LHPP: variants seen among roughly 807,000 people sequenced by gnomAD.
LHPP encodes the protein hLHPP.
Under a neutral mutation model 30.3 loss-of-function variants are expected in LHPP, and 24 were observed. That is an observed-to-expected ratio of 0.79 (90% CI 0.57 to 1.11). The LOEUF is 1.11. Among genes scored for constraint, LHPP ranks in the 50% most tolerant of loss-of-function variants. LHPP has a pLI of 0.00. For missense variants in LHPP, 356 were observed against 367.2 expected (o/e 0.97, Z 0.25); for synonymous variants, 150 against 157.1 (o/e 0.95, Z 0.34).
intron 6 of LHPP, among the ~76,000 whole-genome samples, chr10:124,543,603 C>T (rs115919100): frequency 0.012 from 1,771 of 152,284 alleles, 41 homozygotes; most frequent in African/African-American, 0.04. Flanking sequence ...CCCATGGTGG[C>T]GGCGGCTGGG....
intron 6 of LHPP, among the ~76,000 whole-genome samples, chr10:124,540,741 T>C (rs1955163441): frequency 6.6e-6 from 1 of 151,914 alleles, no homozygotes; most frequent in Non-Finnish European, 1.5e-5. Flanking sequence ...CAGCCGGCCC[T>C]ACAGAGGCCC....
chr10:124,539,508 C>A (rs1464440128), intron 6 of LHPP, among the ~76,000 whole-genome samples: 1 of 152,140 alleles, frequency 6.6e-6, no homozygotes, highest in East Asian at 1.9e-4. Flanking sequence ...TGCTTGTAAT[C>A]CCAGCACTTT....
At chr10:124,585,491 T>A (rs1948792893) in intron 6 of LHPP, among the ~76,000 whole-genome samples, 1 of 151,732 alleles carries the variant, frequency 6.6e-6, no homozygotes, top group Admixed American at 6.6e-5. Context: ...GGCTGGCGCC[T>A]GTAGTCCCAG....
chr10:124,526,331 C>A (rs1954735074), intron 6 of LHPP: 1 of 730,968 alleles, frequency 1.4e-6, no homozygotes, highest in Non-Finnish European at 1.7e-6. Context: ...CTACACCCTG[C>A]AACAGCCCAG....
At chr10:124,490,151 T>A in intron 3 of LHPP, 1 of 174,712 alleles carries the variant, frequency 5.7e-6, no homozygotes, top group South Asian at 1.2e-4. Flanking sequence ...TCCCTGTGAG[T>A]GTCTCTGTCT....
intron 6 of LHPP, among the ~76,000 whole-genome samples, chr10:124,595,142 G>T (rs935541707): frequency 1.3e-4 from 20 of 152,198 alleles, no homozygotes; most frequent in African/African-American, 4.6e-4. Flanking sequence ...GACAGCCTCT[G>T]GTCCCCTCTG....
rs1161122436 is a variant in LHPP, at chr10:124,592,257, C to T, written c.717-21007C>T. On this transcript the variant is annotated intron_variant, in intron 6 of 6. Coordinates refer to ENST00000368842, the MANE Select transcript of LHPP (RefSeq NM_022126.4). The surrounding 1 kb of genome is among the most constrained non-coding windows in gnomAD (Gnocchi z 6.2). ...CTCTCACCAGGAAGGCAAAACCTGG[C>T]AGATGGCACCCGGGCCTGATGGCTC... Among the ~76,000 whole-genome samples, 1 of 152,104 alleles carries T rather than the reference C, an allele frequency of 6.6e-6. No homozygotes were observed. Among genetic ancestry groups the T allele is most frequent in the Non-Finnish European group, 1.5e-5 (1 of 68,024 alleles).
chr10:124,553,453 T>TTC (rs1264964831), intron 6 of LHPP, among the ~76,000 whole-genome samples: 1 of 130,412 alleles, frequency 7.7e-6, no homozygotes, highest in Non-Finnish European at 1.7e-5. Context: ...GCCATTCTTT[T>TTC]TTTTTTTTTT....
chr10:124,484,258 C>T lies in LHPP; in HGVS notation c.245C>T (p.Ala82Val), dbSNP rs1332954077. 6 of 1,613,808 alleles carry T rather than the reference C, an allele frequency of 3.7e-6. No homozygotes were observed. Among genetic ancestry groups the T allele is most frequent in the Non-Finnish European group, 2.5e-6 (3 of 1,180,008 alleles). ...GFDISEQEVTAPAPAACQILK... is the reference protein window; with the variant it reads ...GFDISEQEVTVPAPAACQILK... Reference sequence around the variant, plus strand: ...GACATCTCTGAGCAGGAGGTGACCGCCCCGGCACCAGCTGCCTGCCAGATC... The same window carrying T: ...GACATCTCTGAGCAGGAGGTGACCGTCCCGGCACCAGCTGCCTGCCAGATC... The change falls in exon 2 of 7, where the codon GCC (alanine) becomes GTC (valine). Residue 82 changes from alanine (A) to valine (V), a missense_variant. Ala to Val is a moderately conservative substitution (Grantham distance 64, BLOSUM62 0). Coordinates refer to ENST00000368842, the MANE Select transcript of LHPP (RefSeq NM_022126.4).
intron 6 of LHPP, among the ~76,000 whole-genome samples, chr10:124,604,741 G>C (rs1949070364): frequency 1.3e-5 from 2 of 152,234 alleles, no homozygotes; most frequent in Admixed American, 1.3e-4. Flanking sequence ...CCAGTGCCCA[G>C]ATCCCTGAAT....
At chr10:124,602,373 T>C (rs903351459) in intron 6 of LHPP, among the ~76,000 whole-genome samples, 4 of 152,226 alleles carry the variant, frequency 2.6e-5, no homozygotes, top group African/African-American at 9.6e-5. Context: ...GTGGGCCCAT[T>C]GTGGTATCGC....
chr10:124,549,436 TC>T, intron 6 of LHPP, among the ~76,000 whole-genome samples: 2 of 146,900 alleles, frequency 1.4e-5, no homozygotes, highest in African/African-American at 2.5e-5. Flanking sequence ...AGACCCTGTC[TC>T]AAAAAAAAAA....
chr10:124,578,280 G>A (rs890347458), intron 6 of LHPP, among the ~76,000 whole-genome samples: 2 of 152,214 alleles, frequency 1.3e-5, no homozygotes, highest in Non-Finnish European at 2.9e-5. Context: ...CTGGCTCTGT[G>A]CTCAGCACAC....
intron 5 of LHPP, among the ~76,000 whole-genome samples, chr10:124,508,361 A>C (rs1954214940): frequency 6.6e-6 from 1 of 152,204 alleles, no homozygotes; most frequent in Non-Finnish European, 1.5e-5. Context: ...CAGCACTGAA[A>C]GAATGGGCCC....
chr10:124,526,252 G>C, intron 6 of LHPP: 3 of 985,294 alleles, frequency 3.0e-6, no homozygotes, highest in Non-Finnish European at 2.4e-6. Context: ...GAGCTGGAAG[G>C]GGGATAACGC....
chr10:124,597,837 T>C (rs141367329), intron 6 of LHPP, among the ~76,000 whole-genome samples: 1 of 152,342 alleles, frequency 6.6e-6, no homozygotes, highest in Non-Finnish European at 1.5e-5. Context: ...CAGCTCTTTT[T>C]AATCTAAACA....
Position 124,596,457 on chromosome 10 carries a change from A to G in LHPP, c.717-16807A>G, listed in dbSNP as rs1056369547. Among the ~76,000 whole-genome samples, 2 of 152,040 alleles carry G rather than the reference A, an allele frequency of 1.3e-5. No individual in the cohort carries two copies. Among genetic ancestry groups the G allele is most frequent in the African/African-American group, 2.4e-5 (1 of 41,396 alleles). ...ACGCTGGCCATTCAGGTGGACGTGG[A>G]GCGGTGTCATTTCCTTCCTGAGGGG... is the stretch of plus-strand genomic sequence containing the variant. On this transcript the variant is annotated intron_variant, in intron 6 of 6. Transcript: ENST00000368842. This position sits in a 1 kb window ranked among gnomAD's most constrained non-coding sequence, Gnocchi z 4.6.
At chr10:124,547,828 C>G (rs529882782) in intron 6 of LHPP, among the ~76,000 whole-genome samples, 1 of 152,358 alleles carries the variant, frequency 6.6e-6, no homozygotes, top group African/African-American at 2.4e-5. Context: ...TGGTCAGTGT[C>G]GGTTATCAGC....
chr10:124,607,531 G>T (rs1053490117), intron 6 of LHPP, among the ~76,000 whole-genome samples: 2 of 152,208 alleles, frequency 1.3e-5, no homozygotes, highest in Admixed American at 6.5e-5. Flanking sequence ...CTAGGTACAC[G>T]TGCGGAGTGG....
Sources: allele counts gnomAD v4.1 joint callset (sites outside exome capture counted in the v4.1 genomes callset), GRCh38; gene constraint gnomAD v4.1.1; non-coding constraint Gnocchi (gnomAD v3.1); transcripts MANE v1.5; gene names NCBI Gene and HGNC (gene_info 2026-07-23, HGNC 2026-07-21).